PCYT1A: variants seen among roughly 807,000 people sequenced by gnomAD.
The protein encoded by PCYT1A is choline-phosphate cytidylyltransferase A.
Under a neutral mutation model 43.7 loss-of-function variants are expected in PCYT1A, and 25 were observed. The ratio of observed to expected loss-of-function variants is 0.57; its 90% CI spans 0.42 to 0.80. The LOEUF (loss-of-function observed/expected upper bound fraction) is 0.80, where lower values mean the gene tolerates loss of function less well. Among genes scored for constraint, PCYT1A ranks in the 30% least tolerant of loss-of-function variants. The pLI is 0.00. For missense variants in PCYT1A, 421 were observed against 474.2 expected, an observed-to-expected ratio of 0.89 and a Z score of 1.04; for synonymous variants, 172 against 170.7, an observed-to-expected ratio of 1.01 and a Z score of -0.06.
At position 196,238,271 on chromosome 3, in the gene PCYT1A, A is replaced by C; in HGVS notation, c.*417T>G. 1 of 155,224 alleles carries C rather than the reference A, an allele frequency of 6.4e-6. No individual in the cohort carries two copies. The highest frequency in any genetic ancestry group is 1.4e-5 in the Non-Finnish European group (1 of 69,772). The allele number at this position is 155,224 out of a possible 1,614,324, so 9.6% of individuals were successfully genotyped here. A position where few individuals can be genotyped will look rare whatever the true frequency, so the allele number is the denominator to read the frequency against. On this transcript the variant is annotated 3_prime_UTR_variant, in exon 9 of 9. Transcript: ENST00000431016. Reference sequence around the variant, plus strand: ...AGCTTCAGAACGGAAGGCAAATGCTATAGTATACCGGGAAGAAAAGGCCTC... The same window carrying C: ...AGCTTCAGAACGGAAGGCAAATGCTCTAGTATACCGGGAAGAAAAGGCCTC...
intron 5 of PCYT1A, among the ~76,000 whole-genome samples, chr3:196,243,391 GA>G (rs199852778): frequency 2.6e-5 from 4 of 151,944 alleles, no homozygotes; most frequent in Non-Finnish European, 4.4e-5. Context: ...CAGTCCGTGA[GA>G]AAAGAGGGAA....
At position 196,234,776 on chromosome 3, in the gene PCYT1A, T is replaced by C. The variant is rs973489537; in HGVS notation, c.*3912A>G. On this transcript the variant is annotated 3_prime_UTR_variant, in exon 9 of 9. Coordinates refer to ENST00000431016, the MANE Select transcript of PCYT1A (RefSeq NM_001312673.2). ...TCTTTCTTCTTCAAGAAAATTAACA[T>C]TTAATGGTATAATCCCAAGAACATG... 1 of 152,238 alleles carries C rather than the reference T, an allele frequency of 6.6e-6. No homozygotes were observed. The highest frequency in any genetic ancestry group is 2.4e-5 in the African/African-American group (1 of 41,462). The allele number at this position is 152,238 out of a possible 1,614,324, so 9.4% of individuals were successfully genotyped here.
At chr3:196,266,155 T>C (rs1725267053) in intron 2 of PCYT1A, among the ~76,000 whole-genome samples, 1 of 151,990 alleles carries the variant, frequency 6.6e-6, no homozygotes, top group Non-Finnish European at 1.5e-5. Context: ...GTCTACCACC[T>C]ACTGCCATAC....
At position 196,250,225 on chromosome 3, in the gene PCYT1A, C is replaced by T. The variant is rs555898830; in HGVS notation, c.218-1902G>A. ...AGGCAGAGGACCAGGTACACCATGCCGAGGCTGAGGACCAGGTACACCATG... is the reference window on the plus strand; with the variant it reads ...AGGCAGAGGACCAGGTACACCATGCTGAGGCTGAGGACCAGGTACACCATG... On this transcript the variant is annotated intron_variant, in intron 3 of 8. Transcript: ENST00000431016. 2.4e-3 allele frequency among the ~76,000 whole-genome samples: 342 copies of T among 143,494 alleles called. 6 individuals carry two copies. Among genetic ancestry groups the T allele is most frequent in the African/African-American group, 8.3e-3 (326 of 39,200 alleles). 94.1% of individuals were successfully genotyped at this position (143,494 alleles called of 152,430 possible).
intron 1 of PCYT1A, chr3:196,287,364 G>A (rs1725942639): frequency 6.6e-6 from 1 of 152,248 alleles, no homozygotes; most frequent in Admixed American, 6.6e-5. Context: ...TGCAGTCACT[G>A]CCTCATACTT....
chr3:196,248,272 G>A lies in PCYT1A; in HGVS notation c.269C>T (p.Ser90Phe). Residue 90 changes from serine to phenylalanine, a missense_variant, in exon 4 of 9, where the codon TCT becomes TTT. Around this residue, in one of 3 missense-constraint regions of PCYT1A, gnomAD observed 139 missense variants for 117.7 expected, o/e 1.18. Transcript: ENST00000431016. ...YADGIFDLFHSGHARALMQAK... is the reference protein window; with the variant it reads ...YADGIFDLFHFGHARALMQAK... ...TTGCATCAGAGCTCGGGCGTGACCA[G>A]AGTGAAATAAGTCAAATATTCCATC... The A allele has an allele frequency of 1.2e-6, 2 of 1,613,626 alleles. No homozygotes were observed. Among genetic ancestry groups the A allele is most frequent in the Non-Finnish European group, 1.7e-6 (2 of 1,179,514 alleles).
intron 1 of PCYT1A, among the ~76,000 whole-genome samples, chr3:196,275,943 A>T (rs1725576547): frequency 1.3e-5 from 2 of 151,504 alleles, no homozygotes; most frequent in African/African-American, 4.9e-5. Context: ...TAAAAATACA[A>T]AAAATTAGCC....
chr3:196,241,054 G>A (rs1410606126), intron 7 of PCYT1A, among the ~76,000 whole-genome samples: 2 of 149,506 alleles, frequency 1.3e-5, no homozygotes, highest in South Asian at 2.1e-4. Flanking sequence ...AGCACTTTGC[G>A]AGGCCAAGGG....
chr3:196,272,967 C>G (rs1378130912), intron 1 of PCYT1A, among the ~76,000 whole-genome samples: 2 of 152,222 alleles, frequency 1.3e-5, no homozygotes, highest in Non-Finnish European at 2.9e-5. Context: ...GTTACCAGCA[C>G]AGATTCCATG....
intron 5 of PCYT1A, among the ~76,000 whole-genome samples, chr3:196,246,798 T>G (rs1282076155): frequency 1.3e-5 from 2 of 152,152 alleles, no homozygotes; most frequent in Non-Finnish European, 2.9e-5. Flanking sequence ...GTGCCTATGG[T>G]GTGGGGGGAA....
At chr3:196,274,554 T>C (rs575501203) in intron 1 of PCYT1A, among the ~76,000 whole-genome samples, 13 of 152,306 alleles carry the variant, frequency 8.5e-5, no homozygotes, top group Admixed American at 7.8e-4. Flanking sequence ...GGAAACTCTA[T>C]GATAAACTGT....
At chr3:196,260,568 C>A (rs1725079416) in intron 2 of PCYT1A, among the ~76,000 whole-genome samples, 2 of 152,178 alleles carry the variant, frequency 1.3e-5, no homozygotes, top group Non-Finnish European at 2.9e-5. Context: ...CTATGTCAGG[C>A]ACGGTAACTC....
chr3:196,243,046 G>A (rs1724407977), intron 5 of PCYT1A: 1 of 194,368 alleles, frequency 5.1e-6, no homozygotes. Flanking sequence ...GTATGAGAAA[G>A]GCCAGGCACG....
At chr3:196,264,478 T>G (rs899898456) in intron 2 of PCYT1A, among the ~76,000 whole-genome samples, 1 of 152,226 alleles carries the variant, frequency 6.6e-6, no homozygotes, top group East Asian at 1.9e-4. Flanking sequence ...ATTCTGAACT[T>G]GTACCCCATC....
intron 3 of PCYT1A, among the ~76,000 whole-genome samples, chr3:196,256,479 G>A (rs1467444489): frequency 2.6e-5 from 4 of 152,106 alleles, no homozygotes; most frequent in African/African-American, 7.2e-5. Context: ...AACAGAGTGA[G>A]ACTCTGCCTC....
chr3:196,264,067 A>T (rs1269900204), intron 2 of PCYT1A, among the ~76,000 whole-genome samples: 1 of 152,162 alleles, frequency 6.6e-6, no homozygotes, highest in Admixed American at 6.5e-5. Context: ...TTGAACCTGT[A>T]CTAAGTTAAA....
In PCYT1A at chr3:196,268,435, C is replaced by T. The variant is rs569418981; in HGVS notation, c.117+1980G>A. On this transcript the variant is annotated intron_variant, in intron 2 of 8. Transcript: ENST00000431016. The surrounding 1 kb of genome is among the most constrained non-coding windows in gnomAD (Gnocchi z 4.4). Reference sequence around the variant, plus strand: ...TAGTATGCAGAATAATGCCCCCCTGCAGATGGCCACACCCATTCCCTGGAG... The same window carrying T: ...TAGTATGCAGAATAATGCCCCCCTGTAGATGGCCACACCCATTCCCTGGAG... Among the ~76,000 whole-genome samples, 1 of 152,272 alleles carries T rather than the reference C, an allele frequency of 6.6e-6. No individual in the cohort carries two copies. Among genetic ancestry groups the T allele is most frequent in the South Asian group, 2.1e-4 (1 of 4,826 alleles).
At position 196,242,730 on chromosome 3, in the gene PCYT1A, G is replaced by T; in HGVS notation, c.487-90C>A. 1 of 860,178 alleles carries T rather than the reference G, an allele frequency of 1.2e-6. No homozygotes were observed. Among genetic ancestry groups the T allele is most frequent in the Non-Finnish European group, 2.0e-6 (1 of 496,694 alleles). The allele number at this position is 860,178 out of a possible 1,614,324, so 53.3% of individuals were successfully genotyped here. On this transcript the variant is annotated intron_variant, in intron 5 of 8. Transcript: ENST00000431016. This position sits in a 1 kb window ranked among gnomAD's most constrained non-coding sequence, Gnocchi z 4.2. ...TCTCAGGCCCAGAAAAAGGACAATA[G>T]GCAGAGGCCAGGCCTCAGTGGACTT...
At chr3:196,257,731 G>GACAATGGAATGCTAAAA in intron 3 of PCYT1A, 57 bp downstream of exon 3, 1 of 1,101,044 alleles carries the variant, frequency 9.1e-7, no homozygotes. Context: ...ATTTGATAAA[G>GACAATGGAATGCTAAAA]ACAATGGAAT....
Sources: gnomAD v4.1 joint callset for allele counts (sites outside exome capture counted in the v4.1 genomes callset) on GRCh38, gnomAD v4.1.1 for gene constraint, gnomAD v4.1.1 regional missense constraint, Gnocchi (gnomAD v3.1) non-coding constraint, MANE v1.5 for transcripts, NCBI Gene and HGNC (gene_info 2026-07-23, HGNC 2026-07-21) for gene names.